DNM3: variants seen among roughly 807,000 people sequenced by gnomAD.
DNM3 encodes the protein dynamin-3.
Under a neutral mutation model 101.6 loss-of-function variants are expected in DNM3, and 47 were observed. The observed-to-expected ratio is 0.46, with a 90% confidence interval of 0.37 to 0.59. The LOEUF is 0.59. Among genes scored for constraint, DNM3 ranks in the 20% least tolerant of loss-of-function variants. The probability of loss-of-function intolerance (pLI) is 0.00; values close to 1 mark genes in which losing one functional copy is unlikely to be tolerated. For missense variants in DNM3, 849 were observed against 1,085.7 expected (o/e 0.78, Z 3.06); for synonymous variants, 385 against 387.9 (o/e 0.99, Z 0.09).
chr1:172,138,404 A>C (rs1461959331), intron 14 of DNM3: 3 of 148,794 alleles, frequency 2.0e-5, no homozygotes. Flanking sequence ...TACTTAGTTT[A>C]TGGACAAGAA....
intron 9 of DNM3, among the ~76,000 whole-genome samples, chr1:172,047,042 C>A (rs2125855982): frequency 1.3e-5 from 2 of 152,180 alleles, no homozygotes; most frequent in East Asian, 1.9e-4. Context: ...ATAAGAAATG[C>A]ACAATGTCCT....
intron 14 of DNM3, among the ~76,000 whole-genome samples, chr1:172,247,330 T>G (rs982908842): frequency 6.6e-6 from 1 of 152,016 alleles, no homozygotes; most frequent in South Asian, 2.1e-4. Context: ...AATACAATAA[T>G]AGAGAACACA....
At chr1:172,143,458 A>G (rs897724264) in intron 14 of DNM3, among the ~76,000 whole-genome samples, 2 of 152,050 alleles carry the variant, frequency 1.3e-5, no homozygotes, top group Admixed American at 6.6e-5. Context: ...GACTTGCTCT[A>G]TTATTTTCTC....
chr1:171,914,435 G>A (rs931692747), intron 1 of DNM3, among the ~76,000 whole-genome samples: 5 of 152,214 alleles, frequency 3.3e-5, no homozygotes, highest in Non-Finnish European at 5.9e-5. Context: ...GGGATTACAG[G>A]CGTGAGCCAC....
In DNM3 at chr1:172,240,954, C is replaced by T. The variant is rs546851566; in HGVS notation, c.1660-12619C>T. Among the ~76,000 whole-genome samples the T allele has an allele frequency of 1.2e-3, 178 of 151,532 alleles. 1 individual carries two copies. The highest frequency in any genetic ancestry group is 4.1e-3 in the African/African-American group (170 of 41,282). ...TTTTGCCATGCTGAGTAAATTTTTCCCTTCCTAGTAACTGAAAAAGTATAA... is the reference window on the plus strand; with the variant it reads ...TTTTGCCATGCTGAGTAAATTTTTCTCTTCCTAGTAACTGAAAAAGTATAA... On this transcript the variant is annotated intron_variant, in intron 14 of 20. Coordinates refer to ENST00000627582, the MANE Select transcript of DNM3 (RefSeq NM_015569.5).
chr1:172,253,187 T>G (rs1573148165), intron 14 of DNM3, among the ~76,000 whole-genome samples: 1 of 151,964 alleles, frequency 6.6e-6, no homozygotes, highest in Admixed American at 6.6e-5. Context: ...ATGGCTAAAG[T>G]CTTAATATCA....
chr1:171,873,028 C>A (rs1318014749), intron 1 of DNM3, among the ~76,000 whole-genome samples: 1 of 152,116 alleles, frequency 6.6e-6, no homozygotes, highest in Non-Finnish European at 1.5e-5. Context: ...GTTTGATTAG[C>A]TTTAACTCAC....
At chr1:172,024,893 G>C (rs2125767314) in intron 4 of DNM3, among the ~76,000 whole-genome samples, 1 of 152,344 alleles carries the variant, frequency 6.6e-6, no homozygotes, top group Non-Finnish European at 1.5e-5. Flanking sequence ...CAGACACCGA[G>C]CTAGCTGCAG....
chr1:172,377,454 G>A (rs1295445804), intron 17 of DNM3, among the ~76,000 whole-genome samples: 2 of 150,784 alleles, frequency 1.3e-5, no homozygotes, highest in Non-Finnish European at 2.9e-5. Context: ...GAGACAAATG[G>A]AATTGTGTTG....
chr1:172,061,661 A>G (rs941253290), intron 10 of DNM3, among the ~76,000 whole-genome samples: 1 of 140,920 alleles, frequency 7.1e-6, no homozygotes, highest in Non-Finnish European at 1.5e-5. Flanking sequence ...GATCACATGG[A>G]CACAGGAAGG....
chr1:172,139,039 C>G, intron 14 of DNM3: 1 of 377,706 alleles, frequency 2.6e-6, no homozygotes, highest in South Asian at 2.0e-5. Context: ...CATTATGGAA[C>G]TAAAAACAAG....
chr1:172,180,195 A>G (rs1293969172), intron 14 of DNM3, among the ~76,000 whole-genome samples: 1 of 152,110 alleles, frequency 6.6e-6, no homozygotes, highest in Non-Finnish European at 1.5e-5. Context: ...TAATTTATGT[A>G]AAGAATAAGA....
At chr1:171,978,085 TC>T in intron 2 of DNM3, among the ~76,000 whole-genome samples, 1 of 152,348 alleles carries the variant, frequency 6.6e-6, no homozygotes, top group East Asian at 1.9e-4. Context: ...ATTTATTTAT[TC>T]ATCAATTCTA....
intron 19 of DNM3, among the ~76,000 whole-genome samples, chr1:172,388,148 C>T (rs944404559): frequency 1.1e-4 from 16 of 151,654 alleles, no homozygotes; most frequent in Non-Finnish European, 2.2e-4. Context: ...GCAGGAGAAT[C>T]GCTTGAATTC....
chr1:172,082,507 T>C (rs2053235841), intron 12 of DNM3, among the ~76,000 whole-genome samples: 1 of 152,210 alleles, frequency 6.6e-6, no homozygotes, highest in Non-Finnish European at 1.5e-5. Context: ...TTGAATGCAC[T>C]ATCTTTTCCT....
At chr1:171,977,121 A>G (rs1381837929) in intron 2 of DNM3, among the ~76,000 whole-genome samples, 3 of 152,242 alleles carry the variant, frequency 2.0e-5, no homozygotes, top group African/African-American at 7.2e-5. Flanking sequence ...CTTAAAAAAC[A>G]TTGGAATAAC....
chr1:172,329,970 GA>G (rs1181306340), intron 17 of DNM3, among the ~76,000 whole-genome samples: 1 of 152,178 alleles, frequency 6.6e-6, no homozygotes, highest in African/African-American at 2.4e-5. Flanking sequence ...GGAGATATGA[GA>G]AAGAAGGTCG....
At chr1:171,913,448 A>G (rs1211792118) in intron 1 of DNM3, among the ~76,000 whole-genome samples, 1 of 152,132 alleles carries the variant, frequency 6.6e-6, no homozygotes, top group East Asian at 1.9e-4. Flanking sequence ...TAATTTAGAG[A>G]AAAAAAGTAA....
intron 1 of DNM3, among the ~76,000 whole-genome samples, chr1:171,856,222 C>T (rs1431707734): frequency 2.6e-5 from 4 of 152,100 alleles, no homozygotes; most frequent in Non-Finnish European, 5.9e-5. Context: ...TATTCTGTCC[C>T]ATCAGTCTAT....
Sources: gnomAD v4.1 joint callset for allele counts (sites outside exome capture counted in the v4.1 genomes callset) on GRCh38, gnomAD v4.1.1 for gene constraint, MANE v1.5 for transcripts, NCBI Gene and HGNC (gene_info 2026-07-23, HGNC 2026-07-21) for gene names.